COL11A1: variants seen among roughly 807,000 people sequenced by gnomAD.
COL11A1 encodes collagen alpha-1(XI) chain.
A neutral mutation model predicts 265.2 loss-of-function variants in COL11A1; 74 were observed. The observed-to-expected ratio is 0.28, with a 90% CI of 0.23 to 0.34. COL11A1 has a LOEUF of 0.34. Among genes scored for constraint, COL11A1 ranks in the 10% least tolerant of loss-of-function variants. COL11A1 has a pLI of 1.00. For synonymous variants in COL11A1, 816 were observed against 727.6 expected, an observed-to-expected ratio of 1.12 and a Z score of -1.96; for missense variants, 2,165 against 2,263.6, an observed-to-expected ratio of 0.96 and a Z score of 0.88.
intron 28 of COL11A1, among the ~76,000 whole-genome samples, chr1:102,990,647 G>A (rs539908577): frequency 6.6e-6 from 1 of 152,118 alleles, no homozygotes; most frequent in East Asian, 1.9e-4. Context: ...AAATTACTAA[G>A]AAATAGTCAT....
intron 4 of COL11A1, among the ~76,000 whole-genome samples, chr1:103,058,415 A>C (rs918091224): frequency 2.0e-5 from 3 of 152,170 alleles, no homozygotes; most frequent in African/African-American, 7.2e-5. Context: ...TCATATGTTC[A>C]CTAGAGTAGT....
intron 1 of COL11A1, among the ~76,000 whole-genome samples, chr1:103,088,272 C>A (rs183677946): frequency 1.3e-5 from 2 of 152,294 alleles, no homozygotes; most frequent in African/African-American, 4.8e-5. Flanking sequence ...GTGACTTGGA[C>A]AGATTACTTA....
intron 38 of COL11A1, among the ~76,000 whole-genome samples, chr1:102,963,095 C>G (rs1056857292): frequency 3.3e-5 from 5 of 152,114 alleles, no homozygotes; most frequent in African/African-American, 1.2e-4. Flanking sequence ...AGTTTTATCC[C>G]ATTCCTTCTT....
At chr1:102,933,622 C>T (rs919600058) in intron 46 of COL11A1, among the ~76,000 whole-genome samples, 67 of 152,310 alleles carry the variant, frequency 4.4e-4, no homozygotes, top group South Asian at 1.4e-3. Context: ...CTCCACCCAG[C>T]TCGAGCTTCC....
At chr1:102,904,551 A>T (rs1415711888) in intron 54 of COL11A1, among the ~76,000 whole-genome samples, 4 of 152,056 alleles carry the variant, frequency 2.6e-5, no homozygotes, top group Non-Finnish European at 5.9e-5. Context: ...AACCCCATCA[A>T]AAAGTGGGTG....
intron 63 of COL11A1, chr1:102,884,322 A>G (rs1650669479): frequency 6.6e-6 from 1 of 152,196 alleles, no homozygotes; most frequent in South Asian, 2.1e-4. Flanking sequence ...GTAGTCAGAC[A>G]TAAACAGGGC....
intron 44 of COL11A1, among the ~76,000 whole-genome samples, chr1:102,936,426 T>C (rs1411737468): frequency 2.0e-5 from 3 of 152,086 alleles, no homozygotes; most frequent in Non-Finnish European, 4.4e-5. Flanking sequence ...ATAATAAGTG[T>C]GATTATAAAT....
In COL11A1 at chr1:102,914,755, T is replaced by G. The variant is rs149367044; in HGVS notation, c.3873A>C (p.Gly1291=). ...KGEAGPPGAA[G]PPGAKGPPGD... is the part of the protein sequence containing the mutation. The stretch of plus-strand genomic sequence containing the variant: ...CTGGTGGCCCCTTGGCACCTGGAGG[T>G]CCAGCAGCTCCAGGTGGACCAGCTT... The change falls in exon 51 of 67, where the codon GGA becomes GGC. Residue 1291 remains glycine (G), a synonymous_variant. Coordinates refer to ENST00000370096, the MANE Select transcript of COL11A1 (RefSeq NM_001854.4). 757 of 1,612,804 alleles carry G rather than the reference T, an allele frequency of 4.7e-4. 2 individuals are homozygous for G. The African/African-American group carries it at 9.3e-3, about 20-fold the overall frequency.
intron 13 of COL11A1, 49 bp from the exon 14 acceptor site, chr1:103,012,518 C>G: frequency 7.2e-7 from 1 of 1,383,492 alleles, no homozygotes; most frequent in Non-Finnish European, 1.0e-6. Context: ...TGGAAGAGCA[C>G]ATTAAAGTAC....
intron 44 of COL11A1, among the ~76,000 whole-genome samples, chr1:102,938,709 T>C (rs1658406460): frequency 6.6e-6 from 1 of 152,128 alleles, no homozygotes; most frequent in South Asian, 2.1e-4. Flanking sequence ...ATGTAGAACA[T>C]AGTAATACTG....
intron 3 of COL11A1, 136 bp downstream of exon 3, chr1:103,078,522 T>C (rs1158202315): frequency 1.3e-6 from 1 of 749,546 alleles, no homozygotes; most frequent in Non-Finnish European, 2.3e-6. Flanking sequence ...AAATTATGTC[T>C]TTATGTATTT....
At chr1:103,006,412 T>C in intron 15 of COL11A1, 97 bp from the exon 16 acceptor site, 2 of 785,286 alleles carry the variant, frequency 2.5e-6, no homozygotes, top group Non-Finnish European at 3.9e-6. Context: ...AATATCCTCT[T>C]AGCGTTACCT....
At chr1:103,003,143 G>C in intron 21 of COL11A1, 72 bp downstream of exon 21, 1 of 1,481,836 alleles carries the variant, frequency 6.7e-7, no homozygotes. Flanking sequence ...TCTACTGAGG[G>C]CTTTTATGGC....
intron 41 of COL11A1, among the ~76,000 whole-genome samples, chr1:102,958,390 A>G (rs1168272372): frequency 2.0e-5 from 3 of 152,102 alleles, no homozygotes; most frequent in Non-Finnish European, 2.9e-5. Flanking sequence ...AAGAATTGAC[A>G]TTATTAATTT....
intron 46 of COL11A1, among the ~76,000 whole-genome samples, chr1:102,928,551 C>A (rs562554635): frequency 2.0e-5 from 3 of 152,146 alleles, no homozygotes; most frequent in African/African-American, 7.2e-5. Context: ...AATAGTGCTA[C>A]AATAAACATA....
rs531057160 is a variant in COL11A1 at position 102,988,402 on chromosome 1, T to C, written c.2395-662A>G. 2.0e-5 allele frequency among the ~76,000 whole-genome samples: 3 copies of C among 152,314 alleles called. No individual in the cohort carries two copies. In the South Asian group the frequency reaches 6.2e-4, roughly 32 times the overall value. On this transcript the variant is annotated intron_variant, in intron 29 of 66. Transcript: ENST00000370096. ...GAGTAATAATAAAACTCTAGTCTCC[T>C]ATTCAGCTAACTGTATGCATAGAGA...
intron 4 of COL11A1, among the ~76,000 whole-genome samples, chr1:103,048,677 T>C (rs887527587): frequency 2.6e-5 from 4 of 152,314 alleles, no homozygotes; most frequent in Non-Finnish European, 5.9e-5. Context: ...TCTAGTTCTT[T>C]TAATTGTGAT....
At chr1:102,984,290 A>G in intron 30 of COL11A1, 99 bp from the exon 31 acceptor site, 5 of 746,612 alleles carry the variant, frequency 6.7e-6, no homozygotes, top group Non-Finnish European at 8.7e-6. Flanking sequence ...CACATATTGT[A>G]CACTCAAAAG....
intron 54 of COL11A1, among the ~76,000 whole-genome samples, chr1:102,905,988 G>A (rs12141988): frequency 0.092 from 13,944 of 151,874 alleles, 744 homozygotes; most frequent in Middle Eastern, 0.13. Flanking sequence ...CTAGGATATT[G>A]GAAGAAAATA....
Sources: gnomAD v4.1 joint callset for allele counts (sites outside exome capture counted in the v4.1 genomes callset) on GRCh38, gnomAD v4.1.1 for gene constraint, MANE v1.5 for transcripts, NCBI Gene and HGNC (gene_info 2026-07-23, HGNC 2026-07-21) for gene names.